Variants in SUCLG2 observed in about 807,000 individuals in gnomAD.
The protein encoded by SUCLG2 is succinate-CoA ligase GDP-forming subunit beta.
Under a neutral mutation model 47.9 loss-of-function variants are expected in SUCLG2, and 42 were observed. The ratio of observed to expected loss-of-function variants is 0.88; its 90% CI spans 0.69 to 1.14. SUCLG2 has a LOEUF of 1.14. Ranked by LOEUF, SUCLG2 falls within the 50% of genes most tolerant of loss-of-function variation. SUCLG2 has a pLI of 0.00. For synonymous variants in SUCLG2, 195 were observed against 197.3 expected (o/e 0.99, Z 0.10); for missense variants, 571 against 525.9 (o/e 1.09, Z -0.84).
intron 2 of SUCLG2, among the ~76,000 whole-genome samples, chr3:67,534,555 A>G (rs151175850): frequency 0.016 from 2,409 of 151,848 alleles, 66 homozygotes; most frequent in African/African-American, 0.055. Flanking sequence ...GTTAATACAC[A>G]TTTTGTTGGT....
intron 9 of SUCLG2, among the ~76,000 whole-genome samples, chr3:67,444,179 G>A (rs1364699700): frequency 4.0e-5 from 2 of 49,866 alleles, no homozygotes; most frequent in South Asian, 9.9e-4. Context: ...CCCCCCGCCC[G>A]GCCAGCCGCC....
At chr3:67,494,406 A>G (rs1705277886) in intron 9 of SUCLG2, among the ~76,000 whole-genome samples, 1 of 152,128 alleles carries the variant, frequency 6.6e-6, no homozygotes, top group Admixed American at 6.5e-5. Context: ...GGCCTGAGGT[A>G]GGAGGATCAC....
intron 2 of SUCLG2, among the ~76,000 whole-genome samples, chr3:67,560,670 C>A (rs1400325026): frequency 6.6e-6 from 1 of 152,056 alleles, no homozygotes; most frequent in Admixed American, 6.6e-5. Context: ...CTTCACTATG[C>A]CCCCAACCCC....
At chr3:67,426,325 T>C (rs1703300594) in intron 9 of SUCLG2, among the ~76,000 whole-genome samples, 1 of 151,992 alleles carries the variant, frequency 6.6e-6, no homozygotes, top group South Asian at 2.1e-4. Context: ...AACAGACATA[T>C]AAGAAAGAAT....
intron 9 of SUCLG2, among the ~76,000 whole-genome samples, chr3:67,468,145 C>T (rs1352127604): frequency 1.3e-5 from 2 of 152,150 alleles, no homozygotes; most frequent in Admixed American, 6.6e-5. Context: ...CGAACTCACT[C>T]AAACTTGTTT....
At chr3:67,489,558 A>G (rs1011996159) in intron 9 of SUCLG2, among the ~76,000 whole-genome samples, 25 of 152,324 alleles carry the variant, frequency 1.6e-4, no homozygotes, top group South Asian at 8.3e-4. Context: ...TTTCAAGCAA[A>G]CCTGCAAGAA....
At chr3:67,542,263 T>A (rs1706738051) in intron 2 of SUCLG2, among the ~76,000 whole-genome samples, 4 of 152,156 alleles carry the variant, frequency 2.6e-5, no homozygotes, top group Admixed American at 2.0e-4. Context: ...TAAAATCCTT[T>A]ACAGAGAAGT....
At chr3:67,434,337 G>A (rs921549840) in intron 9 of SUCLG2, among the ~76,000 whole-genome samples, 2 of 152,130 alleles carry the variant, frequency 1.3e-5, no homozygotes, top group African/African-American at 4.8e-5. Context: ...ACCAGGCTGG[G>A]AAACACAGCA....
intron 9 of SUCLG2, among the ~76,000 whole-genome samples, chr3:67,491,247 G>C (rs1483671094): frequency 1.4e-5 from 2 of 147,888 alleles, no homozygotes; most frequent in Non-Finnish European, 3.0e-5. Context: ...AAAAAAAAAA[G>C]AGAGAAAAGA....
In SUCLG2 at chr3:67,375,435, T is replaced by C; in HGVS notation, c.*309A>G. 9.8e-7 allele frequency: 1 copy of C among 1,023,908 alleles called. No homozygotes were observed. The highest frequency in any genetic ancestry group is 1.7e-5 in the African/African-American group (1 of 58,934). The allele number at this position is 1,023,908 out of a possible 1,614,324, so 63.4% of individuals were successfully genotyped here. On this transcript the variant is annotated 3_prime_UTR_variant, in exon 11 of 11. Transcript: ENST00000307227. ...AATGAAGCAGGACTTGATTTCAAAT[T>C]CTGTCTATACACACAATATTTGGCC...
At chr3:67,649,424 A>T (rs1171899580) in intron 1 of SUCLG2, among the ~76,000 whole-genome samples, 3 of 152,190 alleles carry the variant, frequency 2.0e-5, no homozygotes, top group Non-Finnish European at 2.9e-5. Context: ...TACATAAATG[A>T]TATTTGTTTG....
rs143389854 is a variant in SUCLG2 at position 67,547,115 on chromosome 3, G to A, written c.227-17929C>T. Reference sequence around the variant, plus strand: ...CCCCCAGGTGATAGTACTGGGAGGTGGGGGCAGAGACCTCCTGCATGGGAT... The same window carrying A: ...CCCCCAGGTGATAGTACTGGGAGGTAGGGGCAGAGACCTCCTGCATGGGAT... On this transcript the variant is annotated intron_variant, in intron 2 of 10. Coordinates refer to ENST00000307227, the MANE Select transcript of SUCLG2 (RefSeq NM_003848.4). 4.3e-4 allele frequency among the ~76,000 whole-genome samples: 65 copies of A among 152,262 alleles called. No homozygotes were observed. In the East Asian group the frequency reaches 0.011, roughly 27 times the overall value.
downstream of SUCLG2, among the ~76,000 whole-genome samples, chr3:67,373,540 G>A (rs927216437): frequency 3.3e-5 from 5 of 152,074 alleles, no homozygotes; most frequent in Admixed American, 6.6e-5. Context: ...AAACTTGTCT[G>A]AGTTTTTTAT....
intron 9 of SUCLG2, among the ~76,000 whole-genome samples, chr3:67,433,529 T>G (rs1030499619): frequency 6.6e-6 from 1 of 152,082 alleles, no homozygotes; most frequent in African/African-American, 2.4e-5. Flanking sequence ...CAGATTCAAG[T>G]GACTGAGTGA....
chr3:67,510,003 CT>C (rs906504342), intron 6 of SUCLG2, among the ~76,000 whole-genome samples: 9 of 152,202 alleles, frequency 5.9e-5, no homozygotes, highest in Admixed American at 6.5e-5. Flanking sequence ...CCACTCCTCT[CT>C]TTCTATCTGG....
chr3:67,432,483 C>T (rs548516350), intron 9 of SUCLG2, among the ~76,000 whole-genome samples: 9 of 152,184 alleles, frequency 5.9e-5, no homozygotes, highest in Non-Finnish European at 1.2e-4. Flanking sequence ...CAACTATAAA[C>T]GTTCCAGCTA....
chr3:67,390,135 G>A (rs1306315859), intron 10 of SUCLG2, among the ~76,000 whole-genome samples: 1 of 152,190 alleles, frequency 6.6e-6, no homozygotes, highest in Non-Finnish European at 1.5e-5. Context: ...GATTTTCAGT[G>A]ATCCAGATAA....
At chr3:67,545,713 G>A (rs996977692) in intron 2 of SUCLG2, among the ~76,000 whole-genome samples, 1 of 150,320 alleles carries the variant, frequency 6.7e-6, no homozygotes, top group Non-Finnish European at 1.5e-5. Flanking sequence ...CCTGCCTCAT[G>A]CTTTCTTCCT....
intron 1 of SUCLG2, among the ~76,000 whole-genome samples, chr3:67,628,422 G>A (rs909144441): frequency 6.6e-6 from 1 of 152,230 alleles, no homozygotes; most frequent in East Asian, 1.9e-4. Flanking sequence ...GAGTGGATGA[G>A]ACACCCAGAG....
Sources: gnomAD v4.1 joint callset for allele counts (sites outside exome capture counted in the v4.1 genomes callset) on GRCh38, gnomAD v4.1.1 for gene constraint, MANE v1.5 for transcripts, NCBI Gene and HGNC (gene_info 2026-07-23, HGNC 2026-07-21) for gene names.